TNFRSF19: variants seen among roughly 807,000 people sequenced by gnomAD.
TNFRSF19 encodes the protein tumor necrosis factor receptor superfamily member 19.
In TNFRSF19, 27 loss-of-function variants were observed where a neutral mutation model predicts 46.4. The ratio of observed to expected loss-of-function variants is 0.58; its 90% confidence interval spans 0.43 to 0.80. TNFRSF19 has a LOEUF of 0.80. Among genes scored for constraint, TNFRSF19 ranks in the 30% least tolerant of loss-of-function variants. The pLI is 0.00. For synonymous variants in TNFRSF19, 204 were observed against 205.0 expected, an observed-to-expected ratio of 1.00 and a Z score of 0.04; for missense variants, 511 against 530.8, an observed-to-expected ratio of 0.96 and a Z score of 0.37.
rs563031907 is a variant in TNFRSF19 at position 23,633,293 on chromosome 13, G to A, written c.445+6501G>A. 4.2e-4 allele frequency among the ~76,000 whole-genome samples: 64 copies of A among 152,034 alleles called. 1 individual carries two copies. Among genetic ancestry groups the A allele is most frequent in the Non-Finnish European group, 2.9e-5 (2 of 67,948 alleles). On this transcript the variant is annotated intron_variant, in intron 5 of 9. Coordinates refer to ENST00000248484, the MANE Select transcript of TNFRSF19 (RefSeq NM_148957.4). The stretch of plus-strand genomic sequence containing the variant: ...ATGGCTGGCTAGTTTTTGTGTTTTC[G>A]GTAGAGCTGAGGTTGAATTCCTGAG...
intron 9 of TNFRSF19, among the ~76,000 whole-genome samples, chr13:23,670,187 G>A (rs943126378): frequency 6.6e-6 from 1 of 152,188 alleles, no homozygotes; most frequent in Non-Finnish European, 1.5e-5. Flanking sequence ...TGCAGTACTT[G>A]TTTTTGTTTT....
chr13:23,619,309 A>G (rs1044013871), intron 4 of TNFRSF19, among the ~76,000 whole-genome samples: 1 of 152,240 alleles, frequency 6.6e-6, no homozygotes, highest in Non-Finnish European at 1.5e-5. Context: ...TTCTATTGAA[A>G]TGTCCAGAAT....
chr13:23,615,556 A>G (rs1415530454), intron 3 of TNFRSF19, among the ~76,000 whole-genome samples: 1 of 152,228 alleles, frequency 6.6e-6, no homozygotes, highest in African/African-American at 2.4e-5. Flanking sequence ...GACTGGCTTA[A>G]TTAGAGGAGA....
At chr13:23,614,327 C>T (rs531740226) in intron 3 of TNFRSF19, among the ~76,000 whole-genome samples, 44 of 152,312 alleles carry the variant, frequency 2.9e-4, no homozygotes, top group African/African-American at 1.0e-3. Context: ...TCCTCCGAAT[C>T]CTTTGTTGAG....
At chr13:23,613,214 A>G (rs1167976371) in intron 3 of TNFRSF19, among the ~76,000 whole-genome samples, 2 of 152,212 alleles carry the variant, frequency 1.3e-5, no homozygotes, top group Admixed American at 1.3e-4. Context: ...TTATAGGTAT[A>G]ATTTGTTTAG....
rs192182520 is a variant in TNFRSF19, at chr13:23,574,019, G to A, written c.-35+3171G>A. On this transcript the variant is annotated intron_variant, in intron 1 of 9. Coordinates refer to ENST00000248484, the MANE Select transcript of TNFRSF19 (RefSeq NM_148957.4). ...AGAGCTTTCAGTGAGCCGAGATGGC[G>A]CCACTGCACTCCAGCCTGGGTGACA... Among the ~76,000 whole-genome samples, 445 of 137,206 alleles carry A rather than the reference G, an allele frequency of 3.2e-3. 3 individuals carry two copies. Among genetic ancestry groups the A allele is most frequent in the African/African-American group, 0.012 (419 of 35,720 alleles). 90.0% of individuals were successfully genotyped at this position (137,206 alleles called of 152,430 possible).
intron 5 of TNFRSF19, among the ~76,000 whole-genome samples, chr13:23,629,711 T>G (rs1230370481): frequency 6.6e-6 from 1 of 152,160 alleles, no homozygotes; most frequent in African/African-American, 2.4e-5. Flanking sequence ...GTCTGCAGAT[T>G]TTGGATAGAA....
intron 3 of TNFRSF19, among the ~76,000 whole-genome samples, chr13:23,613,176 G>A (rs888949576): frequency 2.0e-5 from 3 of 152,196 alleles, no homozygotes; most frequent in Non-Finnish European, 2.9e-5. Context: ...TTATTTATTG[G>A]ATTGTAGAAA....
At chr13:23,667,805 A>G (rs1326906308) in intron 7 of TNFRSF19, among the ~76,000 whole-genome samples, 175 bp from the exon 8 acceptor site, 2 of 151,580 alleles carry the variant, frequency 1.3e-5, no homozygotes, top group Admixed American at 6.6e-5. Flanking sequence ...GGTACCTTAT[A>G]TAAGTGGCTC....
chr13:23,622,274 A>C (rs1003229526), intron 4 of TNFRSF19, among the ~76,000 whole-genome samples: 4 of 33,076 alleles, frequency 1.2e-4, no homozygotes, highest in African/African-American at 2.8e-4. Context: ...TGGGCATGGT[A>C]AACGGGTGCC....
intron 3 of TNFRSF19, among the ~76,000 whole-genome samples, chr13:23,595,653 C>T (rs113368969): frequency 0.01 from 1,524 of 152,184 alleles, 29 homozygotes; most frequent in African/African-American, 0.035. Context: ...CTGAAAGTGA[C>T]GGGGAGAATG....
intron 4 of TNFRSF19, among the ~76,000 whole-genome samples, chr13:23,618,809 G>A (rs767882400): frequency 6.6e-5 from 10 of 152,200 alleles, no homozygotes; most frequent in African/African-American, 1.2e-4. Flanking sequence ...TTGCCAGTGC[G>A]ATTATATTAA....
chr13:23,661,156 A>G (rs1469519390), intron 7 of TNFRSF19, among the ~76,000 whole-genome samples: 1 of 152,132 alleles, frequency 6.6e-6, no homozygotes, highest in Non-Finnish European at 1.5e-5. Context: ...TAAGCCTAGT[A>G]CCCAATAGTT....
At chr13:23,626,902 T>TG in intron 5 of TNFRSF19, 110 bp downstream of exon 5, 1 of 995,718 alleles carries the variant, frequency 1.0e-6, no homozygotes, top group Non-Finnish European at 1.5e-6. Flanking sequence ...GTCTCTCCTG[T>TG]GGGGTGTACA....
intron 5 of TNFRSF19, among the ~76,000 whole-genome samples, chr13:23,653,509 A>G (rs1311666821): frequency 2.0e-5 from 3 of 152,172 alleles, no homozygotes; most frequent in African/African-American, 7.2e-5. Flanking sequence ...TTGTAAATAG[A>G]TTGGTGGGAA....
intron 1 of TNFRSF19, among the ~76,000 whole-genome samples, chr13:23,586,643 C>G (rs946461518): frequency 6.6e-6 from 1 of 152,238 alleles, no homozygotes; most frequent in Non-Finnish European, 1.5e-5. Flanking sequence ...TGCATTATAA[C>G]ACCTATTGGA....
chr13:23,589,692 G>A (rs1879113170), intron 1 of TNFRSF19, among the ~76,000 whole-genome samples: 1 of 152,246 alleles, frequency 6.6e-6, no homozygotes, highest in South Asian at 2.1e-4. Flanking sequence ...TTCTAGAGTA[G>A]TTGTGAGGAT....
Position 23,674,367 on chromosome 13 carries a change from T to C in TNFRSF19, c.*987T>C, listed in dbSNP as rs1951797836. 6.6e-6 allele frequency: 1 copy of C among 152,216 alleles called. No individual in the cohort carries two copies. Among genetic ancestry groups the C allele is most frequent in the African/African-American group, 2.4e-5 (1 of 41,450 alleles). The allele number at this position is 152,216 out of a possible 1,614,324, so 9.4% of individuals were successfully genotyped here. A position where few individuals can be genotyped will look rare whatever the true frequency, so the allele number is the denominator to read the frequency against. ...CCTTCCGTGAGAACACACCACATGT[T>C]AGGACTAGAAGAAAATGCACAATTT... On this transcript the variant is annotated 3_prime_UTR_variant, in exon 10 of 10. Coordinates refer to ENST00000248484, the MANE Select transcript of TNFRSF19 (RefSeq NM_148957.4).
intron 1 of TNFRSF19, among the ~76,000 whole-genome samples, chr13:23,578,422 G>A (rs1349033670): frequency 6.6e-6 from 1 of 152,110 alleles, no homozygotes; most frequent in Non-Finnish European, 1.5e-5. Flanking sequence ...ATAGTGCTAC[G>A]CCGTTGGAAG....
Sources: allele counts gnomAD v4.1 joint callset (sites outside exome capture counted in the v4.1 genomes callset), GRCh38; gene constraint gnomAD v4.1.1; transcripts MANE v1.5; gene names NCBI Gene and HGNC (gene_info 2026-07-23, HGNC 2026-07-21).